Variants in UGCG observed in about 807,000 individuals in gnomAD.
The protein encoded by UGCG is UDP-glucose ceramide glucosyltransferase.
Under a neutral mutation model 49.5 loss-of-function variants are expected in UGCG, and 10 were observed. The observed-to-expected ratio is 0.20, with a 90% confidence interval of 0.12 to 0.34. UGCG has a LOEUF of 0.34. Ranked by LOEUF, UGCG falls within the 10% of genes least tolerant of loss-of-function variation. UGCG has a pLI of 1.00. For missense variants in UGCG, 312 were observed against 483.7 expected (o/e 0.65, Z 3.33); for synonymous variants, 182 against 158.2 (o/e 1.15, Z -1.13).
At chr9:111,906,027 TGTA>T (rs1313983336) in intron 1 of UGCG, among the ~76,000 whole-genome samples, 3 of 152,346 alleles carry the variant, frequency 2.0e-5, no homozygotes, top group Admixed American at 2.0e-4. Flanking sequence ...TTTCTCCAGT[TGTA>T]GTTTACTGCC....
At chr9:111,927,741 A>G (rs983474576) in intron 5 of UGCG, among the ~76,000 whole-genome samples, 5 of 152,134 alleles carry the variant, frequency 3.3e-5, no homozygotes, top group Non-Finnish European at 7.4e-5. Context: ...GTGAGCCACC[A>G]CGCCCGGCAG....
In UGCG at chr9:111,924,935, A is replaced by C; in HGVS notation, c.445+57A>C. ...CTATTAATTTGAAGATAAAATGCTA[A>C]AAGCAATCTCAGATACATTCATGAG... On this transcript the variant is annotated intron_variant, in intron 4 of 8. Coordinates refer to ENST00000374279, the MANE Select transcript of UGCG (RefSeq NM_003358.3). 2.8e-6 allele frequency: 3 copies of C among 1,082,178 alleles called. No homozygotes were observed. In the East Asian group the frequency reaches 1.0e-4, roughly 37 times the overall value. The allele number at this position is 1,082,178 out of a possible 1,614,324, so 67.0% of individuals were successfully genotyped here. A position where few individuals can be genotyped will look rare whatever the true frequency, so the allele number is the denominator to read the frequency against.
rs1168191040 is a variant in UGCG, at chr9:111,926,446, G to A, written c.508G>A (p.Gly170Arg). 6.2e-7 allele frequency: 1 copy of A among 1,610,678 alleles called. No homozygotes were observed. Among genetic ancestry groups the A allele is most frequent in the Non-Finnish European group, 8.5e-7 (1 of 1,177,816 alleles). The change falls in exon 5 of 9, where the codon GGG (glycine) becomes AGG (arginine). Residue 170 changes from glycine to arginine, a missense_variant. Physicochemically the swap from Gly to Arg is moderately radical, Grantham distance 125. This residue lies in a region of UGCG where 180 missense variants were observed against 320.4 expected (regional missense o/e 0.56). Coordinates refer to ENST00000374279, the MANE Select transcript of UGCG (RefSeq NM_003358.3). ...GACAGAAAAAGTAGGCTTGGTTCAC[G>A]GGCTGCCTTACGTAGCAGACAGACA... ...QMTEKVGLVHGLPYVADRQGF... is the reference protein window; with the variant it reads ...QMTEKVGLVHRLPYVADRQGF...
intron 2 of UGCG, 32 bp from the exon 3 acceptor site, chr9:111,922,817 A>G: frequency 6.6e-7 from 1 of 1,515,276 alleles, no homozygotes; most frequent in Non-Finnish European, 9.0e-7. Flanking sequence ...TTTTTTAAAG[A>G]ATTTAATTTA....
intron 5 of UGCG, among the ~76,000 whole-genome samples, chr9:111,927,674 A>G (rs1838346183): frequency 6.6e-6 from 1 of 151,960 alleles, no homozygotes; most frequent in Non-Finnish European, 1.5e-5. Context: ...GATGGTCTCG[A>G]TCTCCTGACC....
intron 1 of UGCG, among the ~76,000 whole-genome samples, chr9:111,903,898 G>A (rs138204122): frequency 7.2e-4 from 110 of 152,272 alleles, no homozygotes; most frequent in Admixed American, 3.3e-3. Flanking sequence ...CAGTCACCCA[G>A]TCTTTCTAGA....
chr9:111,914,959 C>G, intron 2 of UGCG: 1 of 522,276 alleles, frequency 1.9e-6, no homozygotes, highest in Non-Finnish European at 3.1e-6. Flanking sequence ...CCTATATGTC[C>G]GTGTGAAGTA....
At position 111,909,369 on chromosome 9, in the gene UGCG, C is replaced by T. The variant is rs1837953608; in HGVS notation, c.99-5236C>T. 2.0e-5 allele frequency among the ~76,000 whole-genome samples: 3 copies of T among 152,056 alleles called. No homozygotes were observed. The South Asian group carries it at 6.2e-4, about 32-fold the overall frequency. ...TTTTAGAGCTTTTTATTCTGTCATC[C>T]ACATCTCAAACTCTTTCATGATTTC... On this transcript the variant is annotated intron_variant, in intron 1 of 8. Coordinates refer to ENST00000374279, the MANE Select transcript of UGCG (RefSeq NM_003358.3).
intron 7 of UGCG, 84 bp downstream of exon 7, chr9:111,931,441 A>G: frequency 1.6e-6 from 2 of 1,270,350 alleles, no homozygotes; most frequent in East Asian, 2.4e-5. Context: ...AATGTAGTTA[A>G]ATGAATGTAC....
chr9:111,930,917 G>A (rs896249483), intron 6 of UGCG, among the ~76,000 whole-genome samples: 4 of 152,170 alleles, frequency 2.6e-5, no homozygotes, highest in African/African-American at 9.7e-5. Flanking sequence ...GATCCATAAT[G>A]CCACTTTCTG....
At chr9:111,920,040 A>C (rs1838192627) in intron 2 of UGCG, among the ~76,000 whole-genome samples, 1 of 152,064 alleles carries the variant, frequency 6.6e-6, no homozygotes, top group East Asian at 1.9e-4. Flanking sequence ...GTCAGCTCTT[A>C]AGGAAATCTC....
Position 111,900,747 on chromosome 9 carries a change from G to A in UGCG, c.98+3434G>A, listed in dbSNP as rs375381536. ...GGACTTAAGTGATCTACCTGTCTTGGCTCCCAAAGTGCTGGGATTACAGGT... is the reference window on the plus strand; with the variant it reads ...GGACTTAAGTGATCTACCTGTCTTGACTCCCAAAGTGCTGGGATTACAGGT... On this transcript the variant is annotated intron_variant, in intron 1 of 8. Transcript: ENST00000374279. 3.9e-5 allele frequency among the ~76,000 whole-genome samples: 6 copies of A among 152,104 alleles called. No homozygotes were observed. In the East Asian group the frequency reaches 7.7e-4, roughly 20 times the overall value.
intron 1 of UGCG, among the ~76,000 whole-genome samples, chr9:111,902,608 A>T (rs1341757169): frequency 6.6e-6 from 1 of 152,214 alleles, no homozygotes; most frequent in Non-Finnish European, 1.5e-5. Context: ...CGAAATACTA[A>T]CAAGCTTTGT....
chr9:111,903,719 C>T (rs1187306271), intron 1 of UGCG, among the ~76,000 whole-genome samples: 2 of 151,416 alleles, frequency 1.3e-5, no homozygotes, highest in Non-Finnish European at 2.9e-5. Flanking sequence ...CCTCAGCCTC[C>T]TGGGTAGCTG....
At chr9:111,926,162 T>TA (rs1454224725) in intron 4 of UGCG, among the ~76,000 whole-genome samples, 1 of 152,218 alleles carries the variant, frequency 6.6e-6, no homozygotes, top group Non-Finnish European at 1.5e-5. Flanking sequence ...TATACTGGGC[T>TA]AAAAAATGTA....
intron 8 of UGCG, among the ~76,000 whole-genome samples, 173 bp downstream of exon 8, chr9:111,932,532 G>T (rs756938663): frequency 6.6e-6 from 1 of 152,150 alleles, no homozygotes; most frequent in Non-Finnish European, 1.5e-5. Context: ...AACTTAAGTC[G>T]ATTTGCAACT....
At chr9:111,906,599 T>G (rs1344916115) in intron 1 of UGCG, among the ~76,000 whole-genome samples, 1 of 151,958 alleles carries the variant, frequency 6.6e-6, no homozygotes, top group Non-Finnish European at 1.5e-5. Flanking sequence ...CTGGCTAATT[T>G]TTGTATTTTT....
intron 1 of UGCG, among the ~76,000 whole-genome samples, chr9:111,904,407 T>C (rs1057457109): frequency 6.6e-6 from 1 of 152,242 alleles, no homozygotes; most frequent in Admixed American, 6.5e-5. Flanking sequence ...TAAAAAAACC[T>C]CTTCTAAATC....
At chr9:111,929,447 C>A (rs1379437733) in intron 5 of UGCG, 53 bp from the exon 6 acceptor site, 4 of 1,557,116 alleles carry the variant, frequency 2.6e-6, no homozygotes, top group Non-Finnish European at 3.5e-6. Context: ...TTCGTGAACA[C>A]CATGCTTTTA....
Sources: gnomAD v4.1 joint callset for allele counts (sites outside exome capture counted in the v4.1 genomes callset) on GRCh38, gnomAD v4.1.1 for gene constraint, gnomAD v4.1.1 regional missense constraint, MANE v1.5 for transcripts, NCBI Gene and HGNC (gene_info 2026-07-23, HGNC 2026-07-21) for gene names.